Variants in BMPR2 observed in about 807,000 individuals in gnomAD.
BMPR2 encodes the protein bone morphogenetic protein receptor type 2.
A neutral mutation model predicts 100.8 loss-of-function variants in BMPR2; 29 were observed. The observed-to-expected ratio is 0.29, with a 90% CI of 0.21 to 0.39. The LOEUF is 0.39. Ranked by LOEUF, BMPR2 falls within the 10% of genes least tolerant of loss-of-function variation. BMPR2 has a pLI of 1.00. For missense variants in BMPR2, 1,011 were observed against 1,274.5 expected, an observed-to-expected ratio of 0.79 and a Z score of 3.15; for synonymous variants, 382 against 442.3, an observed-to-expected ratio of 0.86 and a Z score of 1.71.
chr2:202,506,181 G>A lies in BMPR2; in HGVS notation c.419-7538G>A, dbSNP rs569165220. On this transcript the variant is annotated intron_variant, in intron 3 of 12. Coordinates refer to ENST00000374580, the MANE Select transcript of BMPR2 (RefSeq NM_001204.7). The stretch of plus-strand genomic sequence containing the variant: ...TTTAATTAATTAATTTTTTTTTTGA[G>A]ACAGAGTCTCACTCACCCAGGCTGG... 6.0e-5 allele frequency among the ~76,000 whole-genome samples: 9 copies of A among 150,460 alleles called. 1 individual carries two copies. In the South Asian group the frequency reaches 1.9e-3, roughly 32 times the overall value.
chr2:202,481,709 A>G (rs544587157), intron 3 of BMPR2, among the ~76,000 whole-genome samples: 2 of 152,336 alleles, frequency 1.3e-5, no homozygotes, highest in South Asian at 4.1e-4. Flanking sequence ...TACTCAGTGT[A>G]CAAGCCTTAC....
intron 1 of BMPR2, among the ~76,000 whole-genome samples, chr2:202,432,371 A>G (rs1298063769): frequency 1.3e-5 from 2 of 150,588 alleles, no homozygotes; most frequent in Non-Finnish European, 2.9e-5. Flanking sequence ...TTCCATTAGC[A>G]CAGTGGTATT....
chr2:202,453,946 A>G (rs996368805), intron 1 of BMPR2, among the ~76,000 whole-genome samples: 2 of 152,206 alleles, frequency 1.3e-5, no homozygotes, highest in Non-Finnish European at 2.9e-5. Flanking sequence ...TATACCTACT[A>G]TGTACCCACA....
chr2:202,380,195 C>A (rs1251270745), intron 1 of BMPR2, among the ~76,000 whole-genome samples: 2 of 150,080 alleles, frequency 1.3e-5, no homozygotes, highest in African/African-American at 2.5e-5. Context: ...TATGCCCCCC[C>A]CAAAAAAAAA....
At chr2:202,381,818 G>A (rs1478295946) in intron 1 of BMPR2, among the ~76,000 whole-genome samples, 2 of 152,020 alleles carry the variant, frequency 1.3e-5, no homozygotes, top group Non-Finnish European at 2.9e-5. Flanking sequence ...TGATGTGGAT[G>A]AGTAGTGAGG....
chr2:202,424,839 CA>C (rs1691353758), intron 1 of BMPR2, among the ~76,000 whole-genome samples: 1 of 152,142 alleles, frequency 6.6e-6, no homozygotes, highest in Non-Finnish European at 1.5e-5. Flanking sequence ...GTTGGCATCT[CA>C]AAATACCATT....
intron 1 of BMPR2, among the ~76,000 whole-genome samples, chr2:202,460,231 CAA>C (rs1692200071): frequency 6.6e-6 from 1 of 152,118 alleles, no homozygotes; most frequent in Non-Finnish European, 1.5e-5. Context: ...TTCACAATAA[CAA>C]AGACGTAGAA....
At chr2:202,457,561 TAGAGAGAGAGAGAGAGAGAG>T (rs72489501) in intron 1 of BMPR2, among the ~76,000 whole-genome samples, 29 of 94,850 alleles carry the variant, frequency 3.1e-4, no homozygotes, top group African/African-American at 1.5e-3. Context: ...TATATATATA[TAGAGAGAGAGAGAGAGAGAG>T]AGAGAGAGAG....
chr2:202,474,471 A>C (rs536869715), intron 3 of BMPR2, among the ~76,000 whole-genome samples: 74 of 152,306 alleles, frequency 4.9e-4, no homozygotes, highest in Non-Finnish European at 8.4e-4. Flanking sequence ...AAAAAAAACC[A>C]AAAACAAAAC....
At chr2:202,527,806 T>A (rs1229941741) in intron 7 of BMPR2, among the ~76,000 whole-genome samples, 3 of 151,540 alleles carry the variant, frequency 2.0e-5, no homozygotes, top group African/African-American at 7.3e-5. Context: ...AAAAAAATAA[T>A]AATAAAAAAA....
At chr2:202,508,160 T>C (rs2105997738) in intron 3 of BMPR2, among the ~76,000 whole-genome samples, 1 of 151,384 alleles carries the variant, frequency 6.6e-6, no homozygotes, top group East Asian at 1.9e-4. Context: ...TGGTGTGATC[T>C]TGGCTTACTG....
chr2:202,552,498 A>G (rs932599626), intron 10 of BMPR2, among the ~76,000 whole-genome samples: 5 of 152,264 alleles, frequency 3.3e-5, no homozygotes, highest in African/African-American at 1.2e-4. Flanking sequence ...ACTTTTATGA[A>G]TAATTCTTCA....
chr2:202,397,505 T>G (rs1033086960), intron 1 of BMPR2, among the ~76,000 whole-genome samples: 3 of 110,428 alleles, frequency 2.7e-5, no homozygotes, highest in East Asian at 4.1e-4. Flanking sequence ...TTTTTTTTTG[T>G]TTTTTTTTTT....
intron 3 of BMPR2, among the ~76,000 whole-genome samples, chr2:202,493,088 C>G (rs752195386): frequency 2.0e-5 from 3 of 152,072 alleles, no homozygotes; most frequent in Non-Finnish European, 1.5e-5. Flanking sequence ...GGAAAATTGA[C>G]GAGGGATCTT....
At chr2:202,469,123 C>G (rs1444655158) in intron 3 of BMPR2, among the ~76,000 whole-genome samples, 1 of 152,138 alleles carries the variant, frequency 6.6e-6, no homozygotes, top group Non-Finnish European at 1.5e-5. Flanking sequence ...CTCTGCCTCC[C>G]AGGTTCAAGC....
At chr2:202,403,187 C>T (rs1265149150) in intron 1 of BMPR2, among the ~76,000 whole-genome samples, 4 of 126,568 alleles carry the variant, frequency 3.2e-5, no homozygotes. Flanking sequence ...TTCCCCTCCC[C>T]TCCCCTCCCC....
At chr2:202,430,725 T>C (rs145673381) in intron 1 of BMPR2, among the ~76,000 whole-genome samples, 2,534 of 147,000 alleles carry the variant, frequency 0.017, 120 homozygotes, top group African/African-American at 0.066. Context: ...TTTGGGAAGC[T>C]GAGGCAGGTG....
chr2:202,527,738 C>G (rs1053174016), intron 7 of BMPR2, among the ~76,000 whole-genome samples: 3 of 150,990 alleles, frequency 2.0e-5, no homozygotes, highest in Non-Finnish European at 2.9e-5. Flanking sequence ...AGTGAGCCGA[C>G]ATTGCGCCAC....
intron 10 of BMPR2, among the ~76,000 whole-genome samples, chr2:202,543,297 T>TCTCA (rs1688315445): frequency 6.7e-6 from 1 of 148,916 alleles, no homozygotes; most frequent in African/African-American, 2.4e-5. Context: ...CAATGAAATA[T>TCTCA]CTCAAGTCCC....
Sources: gnomAD v4.1 joint callset for allele counts (sites outside exome capture counted in the v4.1 genomes callset) on GRCh38, gnomAD v4.1.1 for gene constraint, MANE v1.5 for transcripts, NCBI Gene and HGNC (gene_info 2026-07-23, HGNC 2026-07-21) for gene names.